The following TRHDE variants were observed in gnomAD, a reference collection of about 807,000 sequenced individuals.
TRHDE encodes the protein thyrotropin-releasing hormone-degrading ectoenzyme.
A neutral mutation model predicts 125.7 loss-of-function variants in TRHDE; 72 were observed. The ratio of observed to expected loss-of-function variants is 0.57; its 90% confidence interval spans 0.47 to 0.70. The LOEUF (loss-of-function observed/expected upper bound fraction) is 0.70. Among genes scored for constraint, TRHDE ranks in the 30% least tolerant of loss-of-function variants. The probability of loss-of-function intolerance (pLI) is 0.00; values close to 1 mark genes in which losing one functional copy is unlikely to be tolerated. For synonymous variants in TRHDE, 509 were observed against 509.1 expected (o/e 1.00, Z 0.00); for missense variants, 1,110 against 1,327.1 (o/e 0.84, Z 2.54).
chr12:72,640,316 G>T (rs1037232087), intron 15 of TRHDE, among the ~76,000 whole-genome samples: 1 of 152,214 alleles, frequency 6.6e-6, no homozygotes, highest in Non-Finnish European at 1.5e-5. Flanking sequence ...GGAACTCCCT[G>T]ACCCCCTGCG....
chr12:72,377,017 C>A (rs1871917413), intron 2 of TRHDE, among the ~76,000 whole-genome samples: 1 of 152,038 alleles, frequency 6.6e-6, no homozygotes, highest in African/African-American at 2.4e-5. Flanking sequence ...GTGTTTGAGA[C>A]CCAAAGAAAT....
At chr12:72,097,427 ATTTTCTCACTGAATT>A (rs1555218932) in intron 1 of TRHDE, among the ~76,000 whole-genome samples, 2,762 of 124,710 alleles carry the variant, frequency 0.022, 239 homozygotes, top group South Asian at 0.055. Context: ...TTGCAGTAGC[ATTTTCTCACTGAATT>A]TTTTTTTTTT....
chr12:72,156,201 G>A (rs1876502457), intron 2 of TRHDE, among the ~76,000 whole-genome samples: 2 of 152,210 alleles, frequency 1.3e-5, no homozygotes, highest in African/African-American at 4.8e-5. Context: ...AGCTAGGCAT[G>A]GGATACAATC....
Position 72,516,523 on chromosome 12 carries a change from A to T in TRHDE, c.1722+16888A>T, listed in dbSNP as rs576773719. 5.9e-5 allele frequency among the ~76,000 whole-genome samples: 9 copies of T among 152,280 alleles called. No individual in the cohort carries two copies. The East Asian group carries it at 1.5e-3, about 26-fold the overall frequency. ...TCCTGAGACTTTGCTGAAGTTGCTT[A>T]TCAGCTTAAGGAGACTTTGGGCTGA... On this transcript the variant is annotated intron_variant, in intron 6 of 18. Transcript: ENST00000261180.
chr12:72,131,452 T>G (rs552538150), intron 2 of TRHDE, among the ~76,000 whole-genome samples: 99 of 152,362 alleles, frequency 6.5e-4, no homozygotes, highest in African/African-American at 2.2e-3. Flanking sequence ...GTGCTATATA[T>G]TTTAAATTTG....
intron 2 of TRHDE, among the ~76,000 whole-genome samples, chr12:72,200,180 G>A (rs1180406392): frequency 1.3e-5 from 2 of 152,180 alleles, no homozygotes; most frequent in African/African-American, 4.8e-5. Context: ...AGTGGAATAA[G>A]AACAGTGTCA....
At chr12:72,435,241 C>A (rs1874686407) in intron 3 of TRHDE, among the ~76,000 whole-genome samples, 1 of 152,210 alleles carries the variant, frequency 6.6e-6, no homozygotes, top group Non-Finnish European at 1.5e-5. Flanking sequence ...GCCATCTATA[C>A]CTGGTCCCCA....
chr12:72,609,662 G>A (rs2136067489), intron 12 of TRHDE, among the ~76,000 whole-genome samples: 1 of 152,176 alleles, frequency 6.6e-6, no homozygotes, highest in South Asian at 2.1e-4. Context: ...TATAGAAAAG[G>A]CAAAACTTTT....
At chr12:72,638,275 T>C (rs1394666398) in intron 15 of TRHDE, among the ~76,000 whole-genome samples, 48 of 151,190 alleles carry the variant, frequency 3.2e-4, no homozygotes, top group African/African-American at 1.2e-3. Context: ...TCTTTGTCTC[T>C]TTTGATCTTT....
intron 15 of TRHDE, among the ~76,000 whole-genome samples, chr12:72,635,256 T>C (rs1019470114): frequency 6.6e-6 from 1 of 152,222 alleles, no homozygotes; most frequent in Admixed American, 6.5e-5. Context: ...TGGCCAGTGA[T>C]GGTGAGCATT....
intron 2 of TRHDE, among the ~76,000 whole-genome samples, chr12:72,365,390 A>G (rs1871299241): frequency 6.6e-6 from 1 of 152,090 alleles, no homozygotes; most frequent in Non-Finnish European, 1.5e-5. Flanking sequence ...GGGAGAGATG[A>G]TTCAGAACTT....
chr12:72,122,712 C>T (rs1875616113), intron 2 of TRHDE, among the ~76,000 whole-genome samples: 1 of 151,940 alleles, frequency 6.6e-6, no homozygotes, highest in South Asian at 2.1e-4. Flanking sequence ...CTAATATAGA[C>T]ATTACTCTAG....
intron 4 of TRHDE, 128 bp downstream of exon 4, chr12:72,470,040 T>A (rs1453514033): frequency 2.3e-6 from 2 of 876,036 alleles, no homozygotes; most frequent in Non-Finnish European, 3.4e-6. Context: ...CACTGTGTAG[T>A]TCTTTCTGGA....
At chr12:72,124,189 C>T (rs1875659237) in intron 2 of TRHDE, among the ~76,000 whole-genome samples, 1 of 152,088 alleles carries the variant, frequency 6.6e-6, no homozygotes, top group South Asian at 2.1e-4. Context: ...TCTTATAAGC[C>T]ATATAATTAA....
intron 2 of TRHDE, among the ~76,000 whole-genome samples, chr12:72,318,748 A>G (rs1174623964): frequency 6.6e-6 from 1 of 152,130 alleles, no homozygotes; most frequent in Non-Finnish European, 1.5e-5. Flanking sequence ...CCTTGTCTAA[A>G]AATGGAACGA....
chr12:72,433,913 T>G (rs1364803001), intron 3 of TRHDE, among the ~76,000 whole-genome samples: 2 of 151,904 alleles, frequency 1.3e-5, no homozygotes, highest in East Asian at 3.9e-4. Flanking sequence ...GAAGCCTGTC[T>G]CTCCAGAGGT....
intron 1 of TRHDE, chr12:72,274,362 AT>A (rs1302571234): frequency 6.6e-6 from 1 of 152,140 alleles, no homozygotes; most frequent in African/African-American, 2.4e-5. Flanking sequence ...CGCGTTTTAC[AT>A]TTGTGTAGTT....
rs200192972 is a variant in TRHDE, at chr12:72,249,179, T to TA, written n.280-128808dup. ...AGACAAAATGGCTAATAGCAAAACT[T>TA]AAAAAAAATGATAAATTGGATCTTA... On this transcript the variant is annotated intron_variant and non_coding_transcript_variant, in intron 2 of 4. Coordinates refer to the TRHDE transcript ENST00000548156. 3.2e-4 allele frequency among the ~76,000 whole-genome samples: 49 copies of TA among 151,854 alleles called. 1 individual carries two copies. The East Asian group carries it at 7.2e-3, about 22-fold the overall frequency.
chr12:72,439,843 T>G lies in TRHDE; in HGVS notation c.1316-29915T>G, dbSNP rs148488480. ...GCTCCAGATCTTAGAGAAAAAGCTTTCAACTTTCCTGACATAATAGCATAC... is the reference window on the plus strand; with the variant it reads ...GCTCCAGATCTTAGAGAAAAAGCTTGCAACTTTCCTGACATAATAGCATAC... On this transcript the variant is annotated intron_variant, in intron 3 of 18. Transcript: ENST00000261180. Among the ~76,000 whole-genome samples the G allele has an allele frequency of 2.1e-3, 326 of 151,986 alleles. 1 individual carries two copies. Among genetic ancestry groups the G allele is most frequent in the African/African-American group, 7.8e-3 (322 of 41,520 alleles).
Sources: allele counts gnomAD v4.1 joint callset (sites outside exome capture counted in the v4.1 genomes callset), GRCh38; gene constraint gnomAD v4.1.1; transcripts MANE v1.5; gene names NCBI Gene and HGNC (gene_info 2026-07-23, HGNC 2026-07-21).